The following STOM variants were observed in gnomAD, a reference collection of about 807,000 sequenced individuals.
The protein encoded by STOM is erythrocyte band 7 integral membrane protein.
In STOM, 25 loss-of-function variants were observed where a neutral mutation model predicts 30.6. The ratio of observed to expected loss-of-function variants is 0.82; its 90% CI spans 0.60 to 1.14. The LOEUF (loss-of-function observed/expected upper bound fraction) is 1.14, where lower values mean the gene tolerates loss of function less well. Among genes scored for constraint, STOM ranks in the 50% most tolerant of loss-of-function variants. STOM has a pLI of 0.00. For missense variants in STOM, 292 were observed against 365.2 expected (o/e 0.80, Z 1.63); for synonymous variants, 118 against 130.8 (o/e 0.90, Z 0.67).
At chr9:121,350,504 TGA>T (rs2064330001) in intron 4 of STOM, among the ~76,000 whole-genome samples, 1 of 152,182 alleles carries the variant, frequency 6.6e-6, no homozygotes, top group African/African-American at 2.4e-5. Context: ...AGTCAATAAA[TGA>T]GAGAGGAGCT....
chr9:121,350,258 T>C (rs2064327526), intron 4 of STOM, among the ~76,000 whole-genome samples: 1 of 152,210 alleles, frequency 6.6e-6, no homozygotes. Flanking sequence ...AATTCCAGCC[T>C]CTCTCACTAA....
Position 121,356,026 on chromosome 9 carries a change from C to G in STOM, c.165+27G>C, listed in dbSNP as rs374202822. ...TTATGGAGGTAGGAGTTGACCCCTTCCCAGAAGTGAATGAAATGTTCTTTA... is the reference window on the plus strand; with the variant it reads ...TTATGGAGGTAGGAGTTGACCCCTTGCCAGAAGTGAATGAAATGTTCTTTA... On this transcript the variant is annotated intron_variant, in intron 2 of 6. Coordinates refer to ENST00000286713, the MANE Select transcript of STOM (RefSeq NM_004099.6). 980 of 1,602,738 alleles carry G rather than the reference C, an allele frequency of 6.1e-4. 2 individuals carry two copies. Among genetic ancestry groups the G allele is most frequent in the South Asian group, 1.4e-3 (126 of 90,340 alleles).
At chr9:121,344,937 TAC>T (rs2064276845) in intron 6 of STOM, among the ~76,000 whole-genome samples, 1 of 152,178 alleles carries the variant, frequency 6.6e-6, no homozygotes, top group Admixed American at 6.6e-5. Flanking sequence ...AAACCTAACA[TAC>T]AGAGAAACAC....
intron 4 of STOM, among the ~76,000 whole-genome samples, chr9:121,350,486 T>C (rs1421206119): frequency 2.0e-5 from 3 of 152,222 alleles, no homozygotes; most frequent in Non-Finnish European, 2.9e-5. Flanking sequence ...GCTTGAAACA[T>C]AGCGGGTAGT....
intron 1 of STOM, chr9:121,369,854 C>G: frequency 1.3e-5 from 6 of 460,124 alleles, no homozygotes; most frequent in South Asian, 3.9e-5. Flanking sequence ...TAGTGCAGCC[C>G]TGGCATGGGG....
chr9:121,357,501 A>C (rs1403270314), intron 1 of STOM, among the ~76,000 whole-genome samples: 1 of 144,906 alleles, frequency 6.9e-6, no homozygotes, highest in African/African-American at 2.5e-5. Context: ...GTGCAGCAGC[A>C]CAGTCTCACC....
Position 121,353,313 on chromosome 9 carries a change from G to T in STOM, c.239-11C>A. 1.3e-6 allele frequency: 2 copies of T among 1,589,750 alleles called. No homozygotes were observed. Among genetic ancestry groups the T allele is most frequent in the Non-Finnish European group, 1.7e-6 (2 of 1,164,616 alleles). ...GAATAAAAAACAAACCTGCAACAAAGATACACACATTATACAGACACCAGC... is the reference window on the plus strand; with the variant it reads ...GAATAAAAAACAAACCTGCAACAAATATACACACATTATACAGACACCAGC... On this transcript the variant is annotated splice_polypyrimidine_tract_variant and intron_variant, in intron 3 of 6. Coordinates refer to ENST00000286713, the MANE Select transcript of STOM (RefSeq NM_004099.6).
At position 121,340,983 on chromosome 9, in the gene STOM, C is replaced by A; in HGVS notation, c.*219G>T. On this transcript the variant is annotated 3_prime_UTR_variant, in exon 7 of 7. Coordinates refer to ENST00000286713, the MANE Select transcript of STOM (RefSeq NM_004099.6). ...CTACATAATAATCTAAAAATACAAA[C>A]TTTTAACTATTTTAAGACTAACAGA... 1 of 1,394,250 alleles carries A rather than the reference C, an allele frequency of 7.2e-7. No individual in the cohort carries two copies. The highest frequency in any genetic ancestry group is 9.3e-7 in the Non-Finnish European group (1 of 1,075,952). 86.4% of individuals were successfully genotyped at this position (1,394,250 alleles called of 1,614,324 possible). A position where few individuals can be genotyped will look rare whatever the true frequency, so the allele number is the denominator to read the frequency against.
intron 4 of STOM, among the ~76,000 whole-genome samples, chr9:121,351,973 A>T (rs1042724675): frequency 6.6e-6 from 1 of 152,240 alleles, no homozygotes; most frequent in South Asian, 2.1e-4. Context: ...AGGGTTTTCT[A>T]TCAGAAACCC....
In STOM at chr9:121,341,402, C is replaced by A; in HGVS notation, c.667G>T (p.Ala223Ser). 6.2e-7 allele frequency: 1 copy of A among 1,612,890 alleles called. No individual in the cohort carries two copies. Among genetic ancestry groups the A allele is most frequent in the East Asian group, 2.2e-5 (1 of 44,876 alleles). ...GATGCATTCATTTCTCCTTCGGCTG[C>A]AATAACCTATGGACAGGTGAAAGGA... Reference protein sequence around the residue: ...ASREARAKVIAAEGEMNASRA... With the variant: ...ASREARAKVISAEGEMNASRA... Residue 223 changes from alanine to serine, a missense_variant, in exon 7 of 7, where the codon GCA becomes TCA. Transcript: ENST00000286713.
intron 4 of STOM, among the ~76,000 whole-genome samples, chr9:121,349,844 A>C (rs752228963): frequency 9.9e-5 from 15 of 152,228 alleles, no homozygotes; most frequent in Admixed American, 1.3e-4. Flanking sequence ...CATATTTTAC[A>C]GCATGCTACA....
At chr9:121,349,081 T>C in intron 5 of STOM, 39 bp downstream of exon 5, 1 of 1,601,170 alleles carries the variant, frequency 6.2e-7, no homozygotes, top group South Asian at 1.1e-5. Context: ...GCTTCATTTT[T>C]CAGCTTCTGG....
At position 121,341,200 on chromosome 9, in the gene STOM, C is replaced by T; in HGVS notation, c.*2G>A. ...CTTGGAAGGCTAGCGCTCATCTCTA[C>T]ACTAGCCTAGATGGCTGTGTTTTGC... On this transcript the variant is annotated 3_prime_UTR_variant, in exon 7 of 7. Coordinates refer to ENST00000286713, the MANE Select transcript of STOM (RefSeq NM_004099.6). 1 of 1,614,154 alleles carries T rather than the reference C, an allele frequency of 6.2e-7. No homozygotes were observed. Among genetic ancestry groups the T allele is most frequent in the Non-Finnish European group, 8.5e-7 (1 of 1,180,032 alleles).
At chr9:121,354,788 T>C (rs1382827830) in intron 2 of STOM, 115 bp from the exon 3 acceptor site, 2 of 669,262 alleles carry the variant, frequency 3.0e-6, no homozygotes, top group East Asian at 5.9e-5. Flanking sequence ...CTTTTTTCTT[T>C]AGAACCAGAT....
At chr9:121,342,142 G>C (rs2064251809) in intron 6 of STOM, among the ~76,000 whole-genome samples, 1 of 152,092 alleles carries the variant, frequency 6.6e-6, no homozygotes, top group African/African-American at 2.4e-5. Context: ...GGCCAAGGCG[G>C]GCAGATCACT....
At chr9:121,358,770 C>T (rs1355015526) in intron 1 of STOM, among the ~76,000 whole-genome samples, 2 of 152,054 alleles carry the variant, frequency 1.3e-5, no homozygotes, top group Non-Finnish European at 2.9e-5. Flanking sequence ...TCCCTTTGTT[C>T]GGTTTTCAAC....
chr9:121,368,212 C>CA (rs1321188058), intron 1 of STOM, among the ~76,000 whole-genome samples: 1 of 152,024 alleles, frequency 6.6e-6, no homozygotes, highest in Non-Finnish European at 1.5e-5. Flanking sequence ...TGGTGGTTTT[C>CA]ATTAGATCTT....
At chr9:121,360,218 C>A (rs1168370098) in intron 1 of STOM, among the ~76,000 whole-genome samples, 1 of 152,184 alleles carries the variant, frequency 6.6e-6, no homozygotes, top group African/African-American at 2.4e-5. Context: ...ATGTCTTTTT[C>A]TTTCCTTTGA....
chr9:121,344,771 C>T (rs953829321), intron 6 of STOM, among the ~76,000 whole-genome samples: 17 of 152,288 alleles, frequency 1.1e-4, no homozygotes, highest in Admixed American at 1.0e-3. Context: ...GCACTCCATC[C>T]TCTCAATTAA....
Sources: allele counts gnomAD v4.1 joint callset (sites outside exome capture counted in the v4.1 genomes callset), GRCh38; gene constraint gnomAD v4.1.1; transcripts MANE v1.5; gene names NCBI Gene and HGNC (gene_info 2026-07-23, HGNC 2026-07-21).